The following ZZEF1 variants were observed in gnomAD, a reference collection of about 807,000 sequenced individuals.
The protein encoded by ZZEF1 is zinc finger ZZ-type and EF-hand domain-containing protein 1.
In ZZEF1, 157 loss-of-function variants were observed where a neutral mutation model predicts 342.8. The observed-to-expected ratio is 0.46, with a 90% CI of 0.40 to 0.52. The LOEUF is 0.52. ZZEF1 is among the 20% of genes least tolerant of loss of function. ZZEF1 has a pLI of 0.00. For synonymous variants in ZZEF1, 1,505 were observed against 1,429.1 expected, an observed-to-expected ratio of 1.05 and a Z score of -1.20; for missense variants, 3,480 against 3,725.6, an observed-to-expected ratio of 0.93 and a Z score of 1.72.
chr17:4,006,389 G>C lies in ZZEF1; in HGVS notation c.*501C>G, dbSNP rs1480494319. On this transcript the variant is annotated 3_prime_UTR_variant, in exon 55 of 55. Coordinates refer to ENST00000381638, the MANE Select transcript of ZZEF1 (RefSeq NM_015113.4). ...ACTGGATGCTTGGGGATCACTGGTG[G>C]CTAGGAGGGGCTCTCGCCAGTTTTG... is the stretch of plus-strand genomic sequence containing the variant. 4 of 219,342 alleles carry C rather than the reference G, an allele frequency of 1.8e-5. No homozygotes were observed. Among genetic ancestry groups the C allele is most frequent in the Non-Finnish European group, 3.7e-5 (4 of 108,660 alleles). The allele number at this position is 219,342 out of a possible 1,614,324, so 13.6% of individuals were successfully genotyped here.
intron 9 of ZZEF1, among the ~76,000 whole-genome samples, chr17:4,101,327 G>A (rs1349283570): frequency 6.6e-6 from 1 of 151,824 alleles, no homozygotes; most frequent in Admixed American, 6.6e-5. Context: ...AGAACCAGAC[G>A]CAAAGCAGCA....
Position 4,142,859 on chromosome 17 carries a change from C to T in ZZEF1, c.37G>A (p.Ala13Thr). The T allele has an allele frequency of 1.4e-6, 2 of 1,394,422 alleles. No homozygotes were observed. The highest frequency in any genetic ancestry group is 1.5e-5 in the African/African-American group (1 of 66,010). 86.4% of individuals were successfully genotyped at this position (1,394,422 alleles called of 1,614,324 possible). A position where few individuals can be genotyped will look rare whatever the true frequency, so the allele number is the denominator to read the frequency against. ...CAGCCCTCGCCACCGGCAGCTGCCG[C>T]TTCGTCTTCACTGCTGTGACTCGGA... ...NAPSHSSEDE[A>T]AAAGGEGWGP... Residue 13 changes from alanine to threonine, a missense_variant, in exon 1 of 55, where the codon GCG becomes ACG. Transcript: ENST00000381638.
intron 9 of ZZEF1, among the ~76,000 whole-genome samples, chr17:4,097,925 C>CAAAA (rs543750057): frequency 1.5e-5 from 1 of 67,608 alleles, no homozygotes; most frequent in African/African-American, 6.4e-5. Context: ...CCCATTTCTA[C>CAAAA]CAAAAAAAAA....
Position 4,017,037 on chromosome 17 carries a change from T to C in ZZEF1, c.8001+334A>G, listed in dbSNP as rs1272681863. 1 of 254,648 alleles carries C rather than the reference T, an allele frequency of 3.9e-6. No individual in the cohort carries two copies. Among genetic ancestry groups the C allele is most frequent in the Non-Finnish European group, 7.6e-6 (1 of 131,240 alleles). The allele number at this position is 254,648 out of a possible 1,614,324, so 15.8% of individuals were successfully genotyped here. ...GCAAGGCTGAGAGGCCAAATGAACTTCCTCATGGACTGCGTGTGTGTGTGT... is the reference window on the plus strand; with the variant it reads ...GCAAGGCTGAGAGGCCAAATGAACTCCCTCATGGACTGCGTGTGTGTGTGT... On this transcript the variant is annotated intron_variant, in intron 48 of 54. Coordinates refer to ENST00000381638, the MANE Select transcript of ZZEF1 (RefSeq NM_015113.4). The surrounding 1 kb of genome is among the most constrained non-coding windows in gnomAD (Gnocchi z 5.1).
At position 4,076,712 on chromosome 17, in the gene ZZEF1, C is replaced by T. The variant is rs2057628838; in HGVS notation, c.3159G>A (p.Val1053=). ...TGAGGACGCTGAACTCTCTCAAGAGCACGCAGTGTGGGATGTCTAAAGTGC... is the reference window on the plus strand; with the variant it reads ...TGAGGACGCTGAACTCTCTCAAGAGTACGCAGTGTGGGATGTCTAAAGTGC... ...DFCTLDIPHC[V]LLREFSVLTE... is the part of the protein sequence containing the mutation. The change falls in exon 21 of 55, where the codon GTG becomes GTA. Residue 1053 remains valine, a synonymous_variant. Transcript: ENST00000381638. 6.2e-7 allele frequency: 1 copy of T among 1,613,274 alleles called. No homozygotes were observed.
At chr17:4,105,400 G>A (rs185557684) in intron 7 of ZZEF1, among the ~76,000 whole-genome samples, 1 of 152,248 alleles carries the variant, frequency 6.6e-6, no homozygotes, top group East Asian at 1.9e-4. Context: ...TCTGAGTGAG[G>A]GAAGGCTATG....
At chr17:4,021,375 T>C (rs753999969) in intron 44 of ZZEF1, 55 bp from the exon 45 acceptor site, 4 of 1,423,604 alleles carry the variant, frequency 2.8e-6, no homozygotes, top group Non-Finnish European at 3.8e-6. Context: ...GGGAAGATGG[T>C]ACAGTCCTTT....
rs773786679 is a variant in ZZEF1 at position 4,013,574 on chromosome 17, G to A, written c.8454C>T (p.Val2818=). ...ILKQMLSEER[V]VPHLPLAKIW... ...TTTTTGCCAATGGGAGATGAGGCAC[G>A]ACCCTTTCTTCTGACAACATCTGCT... The change falls in exon 52 of 55, where the codon GTC becomes GTT. Residue 2818 remains valine (V), a synonymous_variant. Transcript: ENST00000381638. 45 of 1,613,814 alleles carry A rather than the reference G, an allele frequency of 2.8e-5. No homozygotes were observed. Among genetic ancestry groups the A allele is most frequent in the Admixed American group, 1.0e-4 (6 of 59,968 alleles).
rs773399369 is a variant in ZZEF1 at position 4,022,760 on chromosome 17, C to T, written c.7161G>A (p.Lys2387=). 49 of 1,613,882 alleles carry T rather than the reference C, an allele frequency of 3.0e-5. No individual in the cohort carries two copies. The highest frequency in any genetic ancestry group is 4.1e-5 in the Non-Finnish European group (48 of 1,180,004). ...TACTAAAGCCAGTCCCTTTGCTGCA[C>T]TTTTTCACCAGCAACTTCAGCAAAT... ...QTDLLKLLVK[K]CSKGTGFSKT... Residue 2387 remains lysine, a synonymous_variant, in exon 44 of 55, where the codon AAG becomes AAA. Coordinates refer to ENST00000381638, the MANE Select transcript of ZZEF1 (RefSeq NM_015113.4).
chr17:4,084,938 C>G (rs1273427694), intron 16 of ZZEF1, among the ~76,000 whole-genome samples: 1 of 152,174 alleles, frequency 6.6e-6, no homozygotes, highest in East Asian at 1.9e-4. Context: ...TATGGCAAAA[C>G]TCATCTCTAC....
intron 39 of ZZEF1, among the ~76,000 whole-genome samples, chr17:4,036,078 CAAAAAAAA>C (rs34564566): frequency 1.1e-5 from 1 of 92,772 alleles, no homozygotes; most frequent in African/African-American, 3.5e-5. Flanking sequence ...ACAGCCTGTC[CAAAAAAAA>C]AAAAAAAAAG....
At chr17:4,141,804 C>A (rs1314818654) in intron 1 of ZZEF1, among the ~76,000 whole-genome samples, 1 of 151,872 alleles carries the variant, frequency 6.6e-6, no homozygotes, top group South Asian at 2.1e-4. Context: ...CTTCTTAACT[C>A]GAAGTGAAGC....
At chr17:4,066,348 G>T in intron 28 of ZZEF1, 99 bp downstream of exon 28, 1 of 1,011,074 alleles carries the variant, frequency 9.9e-7, no homozygotes, top group Non-Finnish European at 1.6e-6. Flanking sequence ...GGTCAACACA[G>T]CCTCAATTAA....
In ZZEF1 at chr17:4,009,685, C is replaced by A. The variant is rs781123930; in HGVS notation, c.8652G>T (p.Glu2884Asp). ...LFTHMEYGLF[E>D]DVTQPGILLP... ...GGAGGATGCCGGGCTGCGTCACGTCCTCAAACAGGCCGTACTCCATGTGGG... is the reference window on the plus strand; with the variant it reads ...GGAGGATGCCGGGCTGCGTCACGTCATCAAACAGGCCGTACTCCATGTGGG... The change falls in exon 53 of 55, where the codon GAG (glutamate) becomes GAT (aspartate). Residue 2884 changes from glutamate to aspartate, a missense_variant. Coordinates refer to ENST00000381638, the MANE Select transcript of ZZEF1 (RefSeq NM_015113.4). 4 of 1,614,120 alleles carry A rather than the reference C, an allele frequency of 2.5e-6. No homozygotes were observed. Among genetic ancestry groups the A allele is most frequent in the Non-Finnish European group, 3.4e-6 (4 of 1,180,032 alleles).
chr17:4,101,556 C>T (rs1454838411), intron 9 of ZZEF1, among the ~76,000 whole-genome samples: 1 of 152,174 alleles, frequency 6.6e-6, no homozygotes, highest in South Asian at 2.1e-4. Flanking sequence ...TATGTTGACA[C>T]TAGGAAAAGA....
At chr17:4,141,017 T>C (rs2058836737) in intron 1 of ZZEF1, among the ~76,000 whole-genome samples, 1 of 152,048 alleles carries the variant, frequency 6.6e-6, no homozygotes, top group South Asian at 2.1e-4. Flanking sequence ...CAAGCGGTTG[T>C]CCCACCTCAG....
At chr17:4,020,271 A>C (rs2056234896) in intron 45 of ZZEF1, among the ~76,000 whole-genome samples, 1 of 152,244 alleles carries the variant, frequency 6.6e-6, no homozygotes, top group African/African-American at 2.4e-5. Context: ...ACTTGTCAGC[A>C]ATGTTGATCA....
Position 4,009,776 on chromosome 17 carries a change from A to T in ZZEF1, c.8580-19T>A, listed in dbSNP as rs2055898234. The T allele has an allele frequency of 6.2e-7, 1 of 1,611,822 alleles. No individual in the cohort carries two copies. The highest frequency in any genetic ancestry group is 1.3e-5 in the African/African-American group (1 of 74,974). On this transcript the variant is annotated intron_variant, in intron 52 of 54. Transcript: ENST00000381638. ...CAGGTCACTGCAGGAGGAGCCCCGG[A>T]GGTGGTCAGTTTACTGAGAGCCATG...
At chr17:4,027,507 C>A (rs1389936641) in intron 42 of ZZEF1, among the ~76,000 whole-genome samples, 1 of 150,808 alleles carries the variant, frequency 6.6e-6, no homozygotes, top group Non-Finnish European at 1.5e-5. Context: ...GTTGGCCAGG[C>A]TAGTCTCAAA....
Sources: gnomAD v4.1 joint callset for allele counts (sites outside exome capture counted in the v4.1 genomes callset) on GRCh38, gnomAD v4.1.1 for gene constraint, Gnocchi (gnomAD v3.1) non-coding constraint, MANE v1.5 for transcripts, NCBI Gene and HGNC (gene_info 2026-07-23, HGNC 2026-07-21) for gene names.